Variants in HIVEP3 observed in about 807,000 individuals in gnomAD.
The protein encoded by HIVEP3 is transcription factor HIVEP3.
HIVEP3 carries 49 observed loss-of-function variants against 152.8 expected under a neutral mutation model. The ratio of observed to expected loss-of-function variants is 0.32; its 90% CI spans 0.26 to 0.41. The LOEUF is 0.41. Among genes scored for constraint, HIVEP3 ranks in the 10% least tolerant of loss-of-function variants. The probability of loss-of-function intolerance (pLI) is 1.00; values close to 1 mark genes in which losing one functional copy is unlikely to be tolerated. For synonymous variants in HIVEP3, 1,269 were observed against 1,289.0 expected, an observed-to-expected ratio of 0.98 and a Z score of 0.33; for missense variants, 2,790 against 3,103.3, an observed-to-expected ratio of 0.90 and a Z score of 2.40.
intron 1 of HIVEP3, among the ~76,000 whole-genome samples, chr1:41,937,772 G>T (rs1430561647): frequency 6.6e-6 from 1 of 152,120 alleles, no homozygotes; most frequent in Non-Finnish European, 1.5e-5. Flanking sequence ...TATCTATTTT[G>T]CTTAAGAAAG....
intron 3 of HIVEP3, among the ~76,000 whole-genome samples, chr1:41,622,853 G>GT (rs1469612057): frequency 6.6e-6 from 1 of 152,194 alleles, no homozygotes; most frequent in Non-Finnish European, 1.5e-5. Flanking sequence ...CAACATTGCT[G>GT]TTTTTTATTA....
chr1:41,879,984 A>C (rs959845199), intron 1 of HIVEP3, among the ~76,000 whole-genome samples: 1 of 152,168 alleles, frequency 6.6e-6, no homozygotes, highest in African/African-American at 2.4e-5. Flanking sequence ...TATGATGTAG[A>C]TATTATTAGT....
At chr1:41,626,997 C>T (rs951797826) in intron 3 of HIVEP3, among the ~76,000 whole-genome samples, 1 of 152,216 alleles carries the variant, frequency 6.6e-6, no homozygotes, top group Non-Finnish European at 1.5e-5. Flanking sequence ...CAGGACCAGA[C>T]TCACTGAGGT....
intron 1 of HIVEP3, among the ~76,000 whole-genome samples, chr1:41,997,615 C>T (rs920784021): frequency 6.6e-6 from 1 of 152,152 alleles, no homozygotes; most frequent in Non-Finnish European, 1.5e-5. Context: ...AGGAATGCAT[C>T]CTCTGCATAA....
intron 1 of HIVEP3, among the ~76,000 whole-genome samples, chr1:41,783,448 C>T (rs1001544176): frequency 2.0e-5 from 3 of 152,146 alleles, no homozygotes; most frequent in African/African-American, 4.8e-5. Context: ...ATAACCTCTC[C>T]GTGTGCCACT....
rs193273883 is a variant in HIVEP3, at chr1:41,572,180, G to T, written c.5207+3364C>A. On this transcript the variant is annotated intron_variant, in intron 5 of 8. Coordinates refer to ENST00000372583, the MANE Select transcript of HIVEP3 (RefSeq NM_024503.5). ...AGGTGTGAATTTCCCAGGCAAAAAT[G>T]CTCAGGAGGCATCAAAACCAGTGTC... is the stretch of plus-strand genomic sequence containing the variant. 7.2e-5 allele frequency among the ~76,000 whole-genome samples: 11 copies of T among 152,296 alleles called. No individual in the cohort carries two copies. The East Asian group carries it at 2.1e-3, about 29-fold the overall frequency.
chr1:41,919,104 GCATATATATGCA>G (rs569164437), upstream of HIVEP3, among the ~76,000 whole-genome samples: 205 of 151,922 alleles, frequency 1.3e-3, 2 homozygotes, highest in African/African-American at 4.7e-3. Flanking sequence ...TAATATATGT[GCATATATATGCA>G]CATATATATG....
intron 1 of HIVEP3, among the ~76,000 whole-genome samples, chr1:41,767,375 C>T (rs1648080015): frequency 6.6e-6 from 1 of 152,192 alleles, no homozygotes; most frequent in Non-Finnish European, 1.5e-5. Context: ...GTGAATTTTC[C>T]ACAATGGGAT....
rs952285552 is a variant in HIVEP3, at chr1:41,663,260, C to G, written c.-720-34313G>C. 9.2e-5 allele frequency among the ~76,000 whole-genome samples: 14 copies of G among 152,222 alleles called. No individual in the cohort carries two copies. The East Asian group carries it at 2.5e-3, about 27-fold the overall frequency. ...TGCCACAGTGGAACCAGGGCTGGCCCTGGGTTTGGCTGACTCCAGGAACAG... is the reference window on the plus strand; with the variant it reads ...TGCCACAGTGGAACCAGGGCTGGCCGTGGGTTTGGCTGACTCCAGGAACAG... On this transcript the variant is annotated intron_variant, in intron 2 of 8. Coordinates refer to ENST00000372583, the MANE Select transcript of HIVEP3 (RefSeq NM_024503.5).
intron 5 of HIVEP3, among the ~76,000 whole-genome samples, chr1:41,527,281 CCTCACATA>C (rs1643005024): frequency 1.5e-5 from 2 of 132,764 alleles, no homozygotes; most frequent in Admixed American, 7.4e-5. Flanking sequence ...CCTCACACAC[CCTCACATA>C]CACCCTCACA....
intron 1 of HIVEP3, among the ~76,000 whole-genome samples, chr1:41,964,395 T>A (rs1645186616): frequency 6.6e-6 from 1 of 152,146 alleles, no homozygotes; most frequent in African/African-American, 2.4e-5. Flanking sequence ...TTTCCACAGA[T>A]CTGTGCAACC....
chr1:41,646,745 A>T (rs1316923498), intron 2 of HIVEP3, among the ~76,000 whole-genome samples: 1 of 152,188 alleles, frequency 6.6e-6, no homozygotes, highest in Non-Finnish European at 1.5e-5. Context: ...TGCATACTTT[A>T]GTTTTGTAAG....
chr1:41,763,186 G>T (rs1246083905), intron 1 of HIVEP3, among the ~76,000 whole-genome samples: 1 of 152,162 alleles, frequency 6.6e-6, no homozygotes, highest in East Asian at 1.9e-4. Context: ...TAACATCTCT[G>T]CTAAGAGCTG....
At chr1:41,839,687 T>C (rs1407971544) in intron 1 of HIVEP3, among the ~76,000 whole-genome samples, 1 of 152,194 alleles carries the variant, frequency 6.6e-6, no homozygotes, top group Non-Finnish European at 1.5e-5. Context: ...CCCAGATTAA[T>C]GGCCACGCCT....
intron 1 of HIVEP3, among the ~76,000 whole-genome samples, chr1:41,793,830 A>C (rs1649835553): frequency 6.6e-6 from 1 of 152,230 alleles, no homozygotes; most frequent in African/African-American, 2.4e-5. Flanking sequence ...GAAATGCACA[A>C]AGAAGAAAAT....
chr1:41,537,264 T>C (rs1051787083), intron 5 of HIVEP3, among the ~76,000 whole-genome samples: 1 of 152,218 alleles, frequency 6.6e-6, no homozygotes, highest in African/African-American at 2.4e-5. Context: ...CTTGCATCTC[T>C]TCCAAGTCTG....
At chr1:42,021,246 T>C (rs993574889) in intron 1 of HIVEP3, among the ~76,000 whole-genome samples, 2 of 152,116 alleles carry the variant, frequency 1.3e-5, no homozygotes, top group African/African-American at 4.8e-5. Flanking sequence ...TTGGACTATG[T>C]TGGGAACCTA....
intron 1 of HIVEP3, among the ~76,000 whole-genome samples, chr1:41,836,326 T>C (rs1643121754): frequency 6.6e-6 from 1 of 152,126 alleles, no homozygotes; most frequent in African/African-American, 2.4e-5. Context: ...AAGGGAGGCA[T>C]GGCTGCAGGA....
At chr1:41,635,574 GTATATATA>G in intron 2 of HIVEP3, among the ~76,000 whole-genome samples, 1 of 35,536 alleles carries the variant, frequency 2.8e-5, no homozygotes, top group Non-Finnish European at 4.7e-5. Flanking sequence ...ACATACGTAT[GTATATATA>G]CATACATATA....
Sources: allele counts gnomAD v4.1 joint callset (sites outside exome capture counted in the v4.1 genomes callset), GRCh38; gene constraint gnomAD v4.1.1; transcripts MANE v1.5; gene names NCBI Gene and HGNC (gene_info 2026-07-23, HGNC 2026-07-21).